Variants in CACNA1D observed in about 807,000 individuals in gnomAD.
CACNA1D encodes the protein voltage-dependent L-type calcium channel subunit alpha-1D.
In CACNA1D, 55 loss-of-function variants were observed where a neutral mutation model predicts 257.1. The observed-to-expected ratio is 0.21, with a 90% CI of 0.17 to 0.27. The LOEUF (loss-of-function observed/expected upper bound fraction) is 0.27. CACNA1D is among the 10% of genes least tolerant of loss of function. The probability of loss-of-function intolerance (pLI) is 1.00; values close to 1 mark genes in which losing one functional copy is unlikely to be tolerated. For synonymous variants in CACNA1D, 980 were observed against 1,014.9 expected, an observed-to-expected ratio of 0.97 and a Z score of 0.65; for missense variants, 1,876 against 2,784.0, an observed-to-expected ratio of 0.67 and a Z score of 7.34.
At chr3:53,608,236 A>G (rs1020232904) in intron 3 of CACNA1D, among the ~76,000 whole-genome samples, 9 of 152,232 alleles carry the variant, frequency 5.9e-5, no homozygotes, top group South Asian at 2.1e-4. Context: ...GCATCCCTAT[A>G]TCATTTGTTT....
chr3:53,744,946 C>T (rs977207460), intron 23 of CACNA1D, 119 bp downstream of exon 23: 2 of 681,306 alleles, frequency 2.9e-6, no homozygotes, highest in African/African-American at 3.6e-5. Context: ...TTATAAGGAC[C>T]TTTCTAACCA....
chr3:53,567,271 T>C (rs919841363), intron 3 of CACNA1D, among the ~76,000 whole-genome samples: 2 of 152,214 alleles, frequency 1.3e-5, no homozygotes, highest in African/African-American at 2.4e-5. Flanking sequence ...ATGTCCAACA[T>C]TACACTAAAA....
chr3:53,671,882 C>G (rs1452332597), intron 7 of CACNA1D, among the ~76,000 whole-genome samples: 1 of 152,236 alleles, frequency 6.6e-6, no homozygotes, highest in African/African-American at 2.4e-5. Context: ...ACCTGCAAGG[C>G]AAGAGCGATG....
At chr3:53,528,602 G>A (rs895699968) in intron 3 of CACNA1D, among the ~76,000 whole-genome samples, 50 of 152,108 alleles carry the variant, frequency 3.3e-4, no homozygotes, top group African/African-American at 3.1e-4. Context: ...AGATGACGTC[G>A]AATCTATAGG....
intron 3 of CACNA1D, among the ~76,000 whole-genome samples, chr3:53,510,935 T>C (rs1453862146): frequency 3.3e-5 from 5 of 152,224 alleles, no homozygotes; most frequent in Non-Finnish European, 4.4e-5. Context: ...GGTGCTTAGA[T>C]ACTATTGTTT....
chr3:53,771,066 C>T (rs1025487299), intron 32 of CACNA1D, among the ~76,000 whole-genome samples: 4 of 152,226 alleles, frequency 2.6e-5, no homozygotes, highest in African/African-American at 7.2e-5. Flanking sequence ...TACACCATGT[C>T]TCATTTGTCA....
intron 3 of CACNA1D, among the ~76,000 whole-genome samples, chr3:53,636,270 T>C (rs537462575): frequency 6.6e-6 from 1 of 152,120 alleles, no homozygotes; most frequent in South Asian, 2.1e-4. Flanking sequence ...CAAGCACACA[T>C]AAATGTCATC....
intron 3 of CACNA1D, among the ~76,000 whole-genome samples, chr3:53,583,392 C>G (rs2093163808): frequency 6.6e-6 from 1 of 152,160 alleles, no homozygotes; most frequent in Non-Finnish European, 1.5e-5. Flanking sequence ...CTGGGGCTGT[C>G]TGGCCTGTAC....
chr3:53,614,518 G>A (rs895604819), intron 3 of CACNA1D, among the ~76,000 whole-genome samples: 9 of 152,200 alleles, frequency 5.9e-5, no homozygotes, highest in African/African-American at 1.9e-4. Context: ...GAGAAGGCAG[G>A]TACACTGCAG....
chr3:53,516,670 G>T (rs537146868), intron 3 of CACNA1D, among the ~76,000 whole-genome samples: 37 of 152,368 alleles, frequency 2.4e-4, no homozygotes, highest in African/African-American at 6.7e-4. Context: ...CTTCATGGAA[G>T]TATGTTCCCC....
Position 53,495,122 on chromosome 3 carries a change from AGCACAGTGCCCT to A in CACNA1D, c.-39_-28del. The A allele has an allele frequency of 2.2e-6, 2 of 923,252 alleles. No individual in the cohort carries two copies. Among genetic ancestry groups the A allele is most frequent in the Middle Eastern group, 5.0e-4 (2 of 3,974 alleles). The allele number at this position is 923,252 out of a possible 1,614,324, so 57.2% of individuals were successfully genotyped here. On this transcript the variant is annotated 5_prime_UTR_variant, in exon 1 of 48. Coordinates refer to ENST00000350061, the MANE Select transcript of CACNA1D (RefSeq NM_001128840.3). This position sits in a 1 kb window ranked among gnomAD's most constrained non-coding sequence, Gnocchi z 5.1. Reference sequence around the variant, plus strand: ...CCATTCCGCCCCCGCCTCAACGCCCAGCACAGTGCCCTGCACACAGTAGTCGCTCAATAAATG... The same window carrying A: ...CCATTCCGCCCCCGCCTCAACGCCCAGCACACAGTAGTCGCTCAATAAATG...
At chr3:53,530,996 C>G (rs1240086789) in intron 3 of CACNA1D, among the ~76,000 whole-genome samples, 2 of 151,000 alleles carry the variant, frequency 1.3e-5, no homozygotes, top group Non-Finnish European at 2.9e-5. Flanking sequence ...TATAAGAGTC[C>G]CACCATGCCC....
At position 53,745,843 on chromosome 3, in the gene CACNA1D, G is replaced by A. The variant is rs935208742; in HGVS notation, c.3135G>A (p.Thr1045=). 1.6e-5 allele frequency: 26 copies of A among 1,613,760 alleles called. No individual in the cohort carries two copies. Among genetic ancestry groups the A allele is most frequent in the East Asian group, 2.2e-5 (1 of 44,898 alleles). ...QLFKGKFYRC[T]DEAKSNPEEC... ...CCCAGGGGAAGTTCTATCGCTGTAC[G>A]GATGAAGCCAAAAGTAACCCTGAAG... Residue 1045 remains threonine (T), a synonymous_variant, in exon 25 of 48, where the codon ACG becomes ACA. Transcript: ENST00000350061.
At chr3:53,573,665 G>C (rs1048149040) in intron 3 of CACNA1D, among the ~76,000 whole-genome samples, 1 of 152,136 alleles carries the variant, frequency 6.6e-6, no homozygotes, top group Non-Finnish European at 1.5e-5. Context: ...ATCTCCATGA[G>C]GGCAAGGAGT....
chr3:53,639,859 CTT>C (rs34925431), intron 3 of CACNA1D, among the ~76,000 whole-genome samples: 11,566 of 102,120 alleles, frequency 0.11, 533 homozygotes, highest in African/African-American at 0.22. Flanking sequence ...TCATTTCTTA[CTT>C]TTTTTTTTTT....
At chr3:53,649,813 G>A (rs971143081) in intron 3 of CACNA1D, among the ~76,000 whole-genome samples, 21 of 152,212 alleles carry the variant, frequency 1.4e-4, no homozygotes, top group Non-Finnish European at 2.9e-4. Flanking sequence ...GCTTCATGCC[G>A]AGGAATGCCT....
At chr3:53,805,831 CCCTCCTCCTCCATCTTT>C (rs1425660343) in intron 45 of CACNA1D, among the ~76,000 whole-genome samples, 11 of 141,586 alleles carry the variant, frequency 7.8e-5, no homozygotes, top group Non-Finnish European at 1.4e-4. Flanking sequence ...CCTCCATCTT[CCCTCCTCCTCCATCTTT>C]CCTCCTCCTC....
chr3:53,582,353 A>G (rs376696828), intron 3 of CACNA1D, among the ~76,000 whole-genome samples: 2 of 152,164 alleles, frequency 1.3e-5, no homozygotes, highest in African/African-American at 4.8e-5. Context: ...GACATTATAT[A>G]GAGAAATTAT....
intron 8 of CACNA1D, among the ~76,000 whole-genome samples, chr3:53,684,614 ACT>A (rs1487855830): frequency 4.6e-5 from 6 of 129,440 alleles, no homozygotes; most frequent in Admixed American, 9.0e-5. Flanking sequence ...CAAGAGTGAA[ACT>A]CTGTCAAAAA....
Sources: allele counts gnomAD v4.1 joint callset (sites outside exome capture counted in the v4.1 genomes callset), GRCh38; gene constraint gnomAD v4.1.1; non-coding constraint Gnocchi (gnomAD v3.1); transcripts MANE v1.5; gene names NCBI Gene and HGNC (gene_info 2026-07-23, HGNC 2026-07-21).